Variants in ANTXR1 observed in about 807,000 individuals in gnomAD.
ANTXR1 encodes ANTXR cell adhesion molecule 1.
ANTXR1 carries 19 observed loss-of-function variants against 78.1 expected under a neutral mutation model. The observed-to-expected ratio is 0.24, with a 90% CI of 0.17 to 0.36. ANTXR1 has a LOEUF of 0.36. ANTXR1 is among the 10% of genes least tolerant of loss of function. ANTXR1 has a pLI of 1.00. For synonymous variants in ANTXR1, 273 were observed against 260.5 expected, an observed-to-expected ratio of 1.05 and a Z score of -0.46; for missense variants, 518 against 718.6, an observed-to-expected ratio of 0.72 and a Z score of 3.19.
At chr2:69,032,187 A>C (rs965311481) in intron 1 of ANTXR1, among the ~76,000 whole-genome samples, 4 of 152,348 alleles carry the variant, frequency 2.6e-5, no homozygotes, top group Non-Finnish European at 5.9e-5. Context: ...TGAAATAAAA[A>C]TTTGTTCATA....
At chr2:69,045,110 C>T (rs1487575690) in intron 3 of ANTXR1, among the ~76,000 whole-genome samples, 1 of 152,076 alleles carries the variant, frequency 6.6e-6, no homozygotes, top group East Asian at 1.9e-4. Context: ...GAAATGTTGG[C>T]AAACCATATT....
chr2:69,090,761 C>A, intron 8 of ANTXR1, 98 bp from the exon 9 acceptor site: 1 of 1,247,870 alleles, frequency 8.0e-7, no homozygotes, highest in Non-Finnish European at 1.2e-6. Context: ...TGTCCTTGAA[C>A]CTTCCTATCT....
intron 8 of ANTXR1, chr2:69,090,620 A>G (rs1372710051): frequency 1.7e-6 from 1 of 574,782 alleles, no homozygotes; most frequent in Non-Finnish European, 3.1e-6. Context: ...ACCTGCCAAA[A>G]GAGCAAATGA....
chr2:69,182,409 C>T, intron 15 of ANTXR1, 84 bp from the exon 16 acceptor site: 1 of 1,496,362 alleles, frequency 6.7e-7, no homozygotes, highest in South Asian at 1.2e-5. Flanking sequence ...ATTCACATTG[C>T]AACTCATGCA....
chr2:69,145,058 C>T (rs866659763), intron 12 of ANTXR1, among the ~76,000 whole-genome samples: 6 of 152,096 alleles, frequency 3.9e-5, no homozygotes, highest in South Asian at 2.1e-4. Flanking sequence ...CTCAGCATTG[C>T]CTTTATTACT....
At chr2:69,171,440 C>A (rs1673982607) in intron 14 of ANTXR1, among the ~76,000 whole-genome samples, 2 of 152,258 alleles carry the variant, frequency 1.3e-5, no homozygotes, top group Non-Finnish European at 2.9e-5. Context: ...AGTTCCACGA[C>A]TGCAATTGGC....
intron 3 of ANTXR1, among the ~76,000 whole-genome samples, chr2:69,058,949 G>A (rs1670150897): frequency 6.6e-6 from 1 of 152,192 alleles, no homozygotes; most frequent in Non-Finnish European, 1.5e-5. Flanking sequence ...CACAGATGTG[G>A]TGGAAACAGC....
intron 12 of ANTXR1, among the ~76,000 whole-genome samples, chr2:69,150,394 G>A (rs1035728178): frequency 1.3e-5 from 2 of 152,174 alleles, no homozygotes; most frequent in African/African-American, 4.8e-5. Flanking sequence ...GAGCCCACCT[G>A]GGTACCCCAT....
At chr2:69,079,007 C>A (rs1670820879) in intron 8 of ANTXR1, among the ~76,000 whole-genome samples, 2 of 151,888 alleles carry the variant, frequency 1.3e-5, no homozygotes, top group Non-Finnish European at 1.5e-5. Context: ...ACATATCTGA[C>A]CTTAAGAATA....
At chr2:69,199,461 G>A (rs1674725183) in intron 17 of ANTXR1, among the ~76,000 whole-genome samples, 1 of 152,124 alleles carries the variant, frequency 6.6e-6, no homozygotes. Context: ...TGACACAACT[G>A]GAGAATAACT....
At chr2:69,019,758 G>A (rs988175673) in intron 1 of ANTXR1, among the ~76,000 whole-genome samples, 1 of 152,078 alleles carries the variant, frequency 6.6e-6, no homozygotes, top group Non-Finnish European at 1.5e-5. Context: ...ACAGGCCCCA[G>A]TGTCTGTTGT....
chr2:69,210,441 A>G (rs1261373496), intron 17 of ANTXR1, among the ~76,000 whole-genome samples: 2 of 152,174 alleles, frequency 1.3e-5, no homozygotes, highest in Non-Finnish European at 2.9e-5. Flanking sequence ...AACCAAAATG[A>G]TTTTATTCTT....
At chr2:69,216,325 A>G (rs4854555) in intron 17 of ANTXR1, among the ~76,000 whole-genome samples, 150,515 of 152,290 alleles carry the variant, frequency 0.99, 74,384 homozygotes, top group Middle Eastern at 1. Context: ...GGTTCTAGAT[A>G]GGTGGTTTTA....
intron 3 of ANTXR1, among the ~76,000 whole-genome samples, chr2:69,046,569 T>A (rs1573807502): frequency 6.6e-6 from 1 of 152,190 alleles, no homozygotes; most frequent in Admixed American, 6.5e-5. Context: ...GAAGGCTGTG[T>A]GGATTTCATG....
chr2:69,229,733 G>GT (rs1675541668), intron 17 of ANTXR1, among the ~76,000 whole-genome samples: 1 of 141,558 alleles, frequency 7.1e-6, no homozygotes, highest in Non-Finnish European at 1.5e-5. Flanking sequence ...ATGCCATGGT[G>GT]GTTTTTTTTT....
chr2:69,193,405 C>T lies in ANTXR1; in HGVS notation c.1424C>T (p.Pro475Leu), dbSNP rs1674588913. 6.2e-7 allele frequency: 1 copy of T among 1,612,808 alleles called. No homozygotes were observed. The highest frequency in any genetic ancestry group is 1.3e-5 in the African/African-American group (1 of 74,610). The change falls in exon 17 of 18, where the codon CCA (proline) becomes CTA (leucine). Residue 475 changes from proline to leucine, a missense_variant. Physicochemically the swap from Pro to Leu is moderately conservative, Grantham distance 98. This residue lies in a region of ANTXR1 where 192 missense variants were observed against 230.2 expected (regional missense o/e 0.83). Coordinates refer to ENST00000303714, the MANE Select transcript of ANTXR1 (RefSeq NM_032208.3). ...YDRVSVMRPQ[P>L]GDTGRCINFT... ...CGTGTGTCTGTGATGCGTCCACAGC[C>T]AGGAGACACGGTAGGACTCGTTAAT...
At chr2:69,186,416 G>A (rs948558543) in intron 16 of ANTXR1, among the ~76,000 whole-genome samples, 5 of 152,234 alleles carry the variant, frequency 3.3e-5, no homozygotes, top group Admixed American at 3.3e-4. Flanking sequence ...CATTTGCTCA[G>A]CCTTGGACAA....
chr2:69,240,901 T>TA (rs1675879265), intron 17 of ANTXR1, among the ~76,000 whole-genome samples: 1 of 152,168 alleles, frequency 6.6e-6, no homozygotes, highest in African/African-American at 2.4e-5. Flanking sequence ...ACGTTTCAAA[T>TA]AGTCCTCCCA....
At chr2:69,107,676 A>G (rs1166179120) in intron 10 of ANTXR1, among the ~76,000 whole-genome samples, 3 of 152,250 alleles carry the variant, frequency 2.0e-5, no homozygotes, top group African/African-American at 7.2e-5. Context: ...AAATATTGGC[A>G]AACAAAATCC....
Sources: allele counts gnomAD v4.1 joint callset (sites outside exome capture counted in the v4.1 genomes callset), GRCh38; gene constraint gnomAD v4.1.1; regional missense constraint gnomAD v4.1.1; transcripts MANE v1.5; gene names NCBI Gene and HGNC (gene_info 2026-07-23, HGNC 2026-07-21).